Variants in ZNF678 observed in about 807,000 individuals in gnomAD.
ZNF678 encodes the protein zinc finger protein 678, also known as hypothetical protein MGC42493.
ZNF678 carries 5 observed loss-of-function variants against 3.0 expected under a neutral mutation model. The observed-to-expected ratio is 1.69, with a 90% CI of 0.88 to 3.56. ZNF678 has a LOEUF of 3.56. ZNF678 is among the 30% of genes most tolerant of loss of function. ZNF678 has a pLI of 0.00. For missense variants in ZNF678, 593 were observed against 605.0 expected (o/e 0.98, Z 0.21); for synonymous variants, 218 against 199.6 (o/e 1.09, Z -0.78).
chr1:227,607,166 C>T (rs1657894674), intron 1 of ZNF678, among the ~76,000 whole-genome samples: 1 of 152,040 alleles, frequency 6.6e-6, no homozygotes. Context: ...TTAACACATC[C>T]TGTTTTGTCT....
At chr1:227,674,479 A>G (rs924661095) in intron 5 of ZNF678, among the ~76,000 whole-genome samples, 4 of 152,072 alleles carry the variant, frequency 2.6e-5, no homozygotes, top group African/African-American at 4.8e-5. Context: ...TGAAACAGGT[A>G]TATATATTTG....
chr1:227,644,667 A>T (rs1658911399), intron 1 of ZNF678, among the ~76,000 whole-genome samples: 1 of 152,208 alleles, frequency 6.6e-6, no homozygotes, highest in Non-Finnish European at 1.5e-5. Flanking sequence ...AACCTACAGA[A>T]TCACATTACT....
intron 2 of ZNF678, among the ~76,000 whole-genome samples, chr1:227,649,948 A>G (rs1036101914): frequency 1.2e-4 from 18 of 152,006 alleles, no homozygotes; most frequent in African/African-American, 4.3e-4. Flanking sequence ...TGGATTGCAA[A>G]TATTTTCTCC....
intron 1 of ZNF678, among the ~76,000 whole-genome samples, chr1:227,624,754 G>A (rs1658366311): frequency 6.6e-6 from 1 of 152,198 alleles, no homozygotes; most frequent in South Asian, 2.1e-4. Flanking sequence ...ACTTACCCAC[G>A]CAGGAACAAT....
In ZNF678 at chr1:227,657,277, A is replaced by G. The variant is rs1247562020; in HGVS notation, c.*1449A>G. The stretch of plus-strand genomic sequence containing the variant: ...GATACCCCTTTGCCTTTTATTATGC[A>G]TAAAAGCTTCCTGAGGCCTCATCAG... On this transcript the variant is annotated 3_prime_UTR_variant, in exon 4 of 4. Transcript: ENST00000343776. 6.6e-6 allele frequency: 1 copy of G among 151,932 alleles called. No homozygotes were observed. The highest frequency in any genetic ancestry group is 1.5e-5 in the Non-Finnish European group (1 of 67,892). The allele number at this position is 151,932 out of a possible 1,614,324, so 9.4% of individuals were successfully genotyped here.
chr1:227,607,460 C>CT, intron 1 of ZNF678, among the ~76,000 whole-genome samples: 1 of 152,004 alleles, frequency 6.6e-6, no homozygotes, highest in Non-Finnish European at 1.5e-5. Flanking sequence ...CAAATGATGG[C>CT]TGGCAGCCTA....
chr1:227,601,860 G>A (rs1657747661), intron 1 of ZNF678, among the ~76,000 whole-genome samples: 1 of 152,104 alleles, frequency 6.6e-6, no homozygotes, highest in Admixed American at 6.5e-5. Context: ...ACCATGCCTG[G>A]CTTGGCTTTA....
At chr1:227,605,365 T>G (rs556978172) in intron 1 of ZNF678, among the ~76,000 whole-genome samples, 1 of 152,344 alleles carries the variant, frequency 6.6e-6, no homozygotes, top group South Asian at 2.1e-4. Flanking sequence ...CTTTTATATA[T>G]GAAATAATGT....
chr1:227,619,789 AT>A (rs1174536111), intron 1 of ZNF678, among the ~76,000 whole-genome samples: 1 of 152,040 alleles, frequency 6.6e-6, no homozygotes, highest in Admixed American at 6.6e-5. Context: ...TGAGGTTGCA[AT>A]TTTTTGAATT....
At position 227,585,674 on chromosome 1, in the gene ZNF678, G is replaced by A. The variant is rs150108322; in HGVS notation, c.-164+21950G>A. ...TTTAGTCCTAGCTACTCAGGAGGCT[G>A]AGGCAAGAGAATCGCTTGAACCTGG... On this transcript the variant is annotated intron_variant, in intron 1 of 3. Coordinates refer to ENST00000343776, the MANE Select transcript of ZNF678 (RefSeq NM_001367909.1). Among the ~76,000 whole-genome samples, 500 of 152,234 alleles carry A rather than the reference G, an allele frequency of 3.3e-3. 1 individual carries two copies. The highest frequency in any genetic ancestry group is 6.8e-3 in the Middle Eastern group (2 of 294).
At chr1:227,628,127 T>C (rs1266055139) in intron 1 of ZNF678, among the ~76,000 whole-genome samples, 1 of 152,210 alleles carries the variant, frequency 6.6e-6, no homozygotes, top group Non-Finnish European at 1.5e-5. Context: ...TAAGATCTCT[T>C]CCCTGTATCA....
intron 1 of ZNF678, chr1:227,582,396 C>T (rs189708752): frequency 1.8e-3 from 279 of 153,276 alleles, no homozygotes; most frequent in Non-Finnish European, 3.3e-3. Context: ...TGACTGTAGC[C>T]GCAAACTTCT....
chr1:227,624,941 A>G (rs1333711267), intron 1 of ZNF678, among the ~76,000 whole-genome samples: 1 of 152,164 alleles, frequency 6.6e-6, no homozygotes, highest in Non-Finnish European at 1.5e-5. Context: ...CGCGGACCGG[A>G]AGAGTGTGCA....
intron 1 of ZNF678, among the ~76,000 whole-genome samples, chr1:227,571,232 C>G (rs1285545922): frequency 6.6e-6 from 1 of 152,130 alleles, no homozygotes; most frequent in East Asian, 1.9e-4. Flanking sequence ...AATTGTACTG[C>G]CATACACCAC....
At chr1:227,607,576 T>C (rs1198587923) in intron 1 of ZNF678, among the ~76,000 whole-genome samples, 1 of 151,836 alleles carries the variant, frequency 6.6e-6, no homozygotes. Context: ...TGGTTGATCA[T>C]TTGACGAATC....
intron 5 of ZNF678, among the ~76,000 whole-genome samples, chr1:227,670,323 A>C (rs1033986460): frequency 9.2e-5 from 14 of 152,258 alleles, no homozygotes; most frequent in African/African-American, 3.1e-4. Context: ...AGTATATATA[A>C]TTGTAATTTG....
At chr1:227,566,827 AGAGT>A (rs1332632782) in intron 1 of ZNF678, among the ~76,000 whole-genome samples, 1 of 152,226 alleles carries the variant, frequency 6.6e-6, no homozygotes, top group African/African-American at 2.4e-5. Context: ...TTTCTTCATC[AGAGT>A]GAGTGTAGTA....
chr1:227,639,297 C>A (rs1658758856), intron 1 of ZNF678, among the ~76,000 whole-genome samples: 1 of 152,206 alleles, frequency 6.6e-6, no homozygotes, highest in Non-Finnish European at 1.5e-5. Context: ...AGTGGGCCAG[C>A]AGGGGGCCCC....
intron 1 of ZNF678, among the ~76,000 whole-genome samples, chr1:227,636,888 C>T (rs897724552): frequency 2.0e-5 from 3 of 152,134 alleles, no homozygotes; most frequent in African/African-American, 4.8e-5. Flanking sequence ...TCTTTCCAGA[C>T]GGATGAGTGT....
Sources: gnomAD v4.1 joint callset for allele counts (sites outside exome capture counted in the v4.1 genomes callset) on GRCh38, gnomAD v4.1.1 for gene constraint, MANE v1.5 for transcripts, NCBI Gene and HGNC (gene_info 2026-07-23, HGNC 2026-07-21) for gene names.